The following PRDM16 variants were observed in gnomAD, a reference collection of about 807,000 sequenced individuals.
The protein encoded by PRDM16 is PR/SET domain 16.
A neutral mutation model predicts 110.6 loss-of-function variants in PRDM16; 23 were observed. The ratio of observed to expected loss-of-function variants is 0.21; its 90% CI spans 0.15 to 0.29. The LOEUF is 0.29. Ranked by LOEUF, PRDM16 falls within the 10% of genes least tolerant of loss-of-function variation. PRDM16 has a pLI of 1.00. For missense variants in PRDM16, 1,615 were observed against 1,794.3 expected, an observed-to-expected ratio of 0.90 and a Z score of 1.81; for synonymous variants, 799 against 781.8, an observed-to-expected ratio of 1.02 and a Z score of -0.37.
At chr1:3,340,351 G>T (rs551695078) in intron 3 of PRDM16, among the ~76,000 whole-genome samples, 1 of 152,126 alleles carries the variant, frequency 6.6e-6, no homozygotes, top group Admixed American at 6.5e-5. Context: ...AACAATTTGG[G>T]GACAGATGGC....
chr1:3,134,965 C>T (rs951801896), intron 1 of PRDM16, among the ~76,000 whole-genome samples: 3 of 152,252 alleles, frequency 2.0e-5, no homozygotes, highest in Middle Eastern at 3.4e-3. Context: ...GGGGAGCTGC[C>T]GGGGAGCTGC....
intron 1 of PRDM16, among the ~76,000 whole-genome samples, chr1:3,183,859 C>T (rs1255922055): frequency 6.6e-6 from 1 of 152,238 alleles, no homozygotes; most frequent in African/African-American, 2.4e-5. Flanking sequence ...CTAATTCCTA[C>T]TTGTCCTTCG....
chr1:3,364,635 C>T lies in PRDM16; in HGVS notation c.439-20517C>T, dbSNP rs535163848. ...CCCTGGTGCAAGGGCAAAATTAAAG[C>T]AGGCTGGACAGCAGCATAGTTATTT... On this transcript the variant is annotated intron_variant, in intron 3 of 16. Transcript: ENST00000270722. Among the ~76,000 whole-genome samples the T allele has an allele frequency of 1.8e-4, 28 of 152,348 alleles. No individual in the cohort carries two copies. In the East Asian group the frequency reaches 5.4e-3, roughly 29 times the overall value.
Position 3,411,605 on chromosome 1 carries a change from G to C in PRDM16, c.1408G>C (p.Asp470His), listed in dbSNP as rs1190783586. ...GLPLTPSPMM[D>H]KAKPSPSLNH... Reference sequence around the variant, plus strand: ...GCCCTTGACCCCCAGCCCCATGATGGACAAGGCAAAACCCTCCCCCAGCCT... The same window carrying C: ...GCCCTTGACCCCCAGCCCCATGATGCACAAGGCAAAACCCTCCCCCAGCCT... The change falls in exon 9 of 17, where the codon GAC (aspartate) becomes CAC (histidine). Residue 470 changes from aspartate to histidine, a missense_variant. By Grantham distance (81) the Asp-to-His change is moderately conservative (BLOSUM62 -1). Transcript: ENST00000270722. 1 of 1,613,978 alleles carries C rather than the reference G, an allele frequency of 6.2e-7. No homozygotes were observed. The highest frequency in any genetic ancestry group is 1.1e-5 in the South Asian group (1 of 91,084).
At chr1:3,105,677 C>A (rs924731308) in intron 1 of PRDM16, among the ~76,000 whole-genome samples, 4 of 152,234 alleles carry the variant, frequency 2.6e-5, no homozygotes, top group Admixed American at 2.0e-4. Flanking sequence ...ATGCATTCCT[C>A]GGGCAGGCTC....
In PRDM16 at chr1:3,403,668, G is replaced by A. The variant is rs544983263; in HGVS notation, c.884+670G>A. On this transcript the variant is annotated intron_variant, in intron 6 of 16. Coordinates refer to ENST00000270722, the MANE Select transcript of PRDM16 (RefSeq NM_022114.4). ...GGCCTGGGCGGCCTTGGGGACCTGT[G>A]GCCCCCGGGAAAGACAAGATTCCTG... 4.6e-5 allele frequency among the ~76,000 whole-genome samples: 7 copies of A among 152,364 alleles called. No individual in the cohort carries two copies. The East Asian group carries it at 1.3e-3, about 29-fold the overall frequency.
intron 3 of PRDM16, among the ~76,000 whole-genome samples, chr1:3,275,483 G>C (rs1334402233): frequency 6.6e-6 from 1 of 152,196 alleles, no homozygotes; most frequent in Non-Finnish European, 1.5e-5. Context: ...GGGGGACCTG[G>C]CTACCAGGAC....
rs561340633 is a variant in PRDM16, at chr1:3,209,390, C to T, written c.387+22916C>T. Among the ~76,000 whole-genome samples, 8 of 152,304 alleles carry T rather than the reference C, an allele frequency of 5.3e-5. No homozygotes were observed. Among genetic ancestry groups the T allele is most frequent in the African/African-American group, 1.2e-4 (5 of 41,568 alleles). On this transcript the variant is annotated intron_variant, in intron 2 of 16. Transcript: ENST00000270722. This position sits in a 1 kb window ranked among gnomAD's most constrained non-coding sequence, Gnocchi z 4.6. ...CGACTGGCACACCTGCCCCGAGTCA[C>T]CTGGGACGGACTGCAGCCAGCCAGC...
At chr1:3,106,150 G>C (rs1421975907) in intron 1 of PRDM16, among the ~76,000 whole-genome samples, 1 of 152,202 alleles carries the variant, frequency 6.6e-6, no homozygotes, top group African/African-American at 2.4e-5. Flanking sequence ...TCCTGGCAGG[G>C]TGGGCGGGGT....
In PRDM16 at chr1:3,382,533, G is replaced by A. The variant is rs1418788520; in HGVS notation, c.439-2619G>A. Among the ~76,000 whole-genome samples, 1 of 152,200 alleles carries A rather than the reference G, an allele frequency of 6.6e-6. No individual in the cohort carries two copies. Among genetic ancestry groups the A allele is most frequent in the African/African-American group, 2.4e-5 (1 of 41,434 alleles). The stretch of plus-strand genomic sequence containing the variant: ...GCCCTGAGTCCTGAACAGCAGGGTG[G>A]CCACAGACTCCCCACCAAAGCGAGG... On this transcript the variant is annotated intron_variant, in intron 3 of 16. Transcript: ENST00000270722. The surrounding 1 kb of genome is among the most constrained non-coding windows in gnomAD (Gnocchi z 6.6).
chr1:3,169,487 C>G (rs763957013), intron 1 of PRDM16, among the ~76,000 whole-genome samples: 2 of 152,162 alleles, frequency 1.3e-5, no homozygotes, highest in African/African-American at 2.4e-5. Flanking sequence ...ACCCCTCTCC[C>G]GTGCACAGCC....
rs116529408 is a variant in PRDM16, at chr1:3,227,972, C to T, written c.388-16115C>T. On this transcript the variant is annotated intron_variant, in intron 2 of 16. Coordinates refer to ENST00000270722, the MANE Select transcript of PRDM16 (RefSeq NM_022114.4). ...CTTCCTCCAAGTCTCTGTTTCGAGC[C>T]GTGGGCTCTTCGCAGTATCCCAGGC... 7.1e-3 allele frequency among the ~76,000 whole-genome samples: 1,079 copies of T among 152,340 alleles called. 15 individuals are homozygous for T. The highest frequency in any genetic ancestry group is 0.025 in the African/African-American group (1,048 of 41,572).
chr1:3,094,050 C>T (rs1012647286), intron 1 of PRDM16, among the ~76,000 whole-genome samples: 4 of 152,238 alleles, frequency 2.6e-5, no homozygotes, highest in Admixed American at 6.5e-5. Flanking sequence ...CAGCCAGCAA[C>T]GTGGTCTGGG....
intron 1 of PRDM16, among the ~76,000 whole-genome samples, chr1:3,137,958 T>G (rs1643473898): frequency 6.6e-6 from 1 of 152,202 alleles, no homozygotes; most frequent in African/African-American, 2.4e-5. Context: ...GCTCTTGGAC[T>G]GTGGCTGGAG....
At chr1:3,144,219 C>T (rs1197486036) in intron 1 of PRDM16, among the ~76,000 whole-genome samples, 1 of 152,172 alleles carries the variant, frequency 6.6e-6, no homozygotes, top group African/African-American at 2.4e-5. Flanking sequence ...CCATCACTGC[C>T]CTGGATGGGG....
At chr1:3,150,756 C>T (rs1006731841) in intron 1 of PRDM16, among the ~76,000 whole-genome samples, 9 of 151,656 alleles carry the variant, frequency 5.9e-5, no homozygotes, top group South Asian at 4.2e-4. Flanking sequence ...TTTTTCCAGT[C>T]GCCAGTTGGC....
chr1:3,330,548 C>T (rs1043582163), intron 3 of PRDM16, among the ~76,000 whole-genome samples: 1 of 152,132 alleles, frequency 6.6e-6, no homozygotes, highest in Non-Finnish European at 1.5e-5. Context: ...CTCAGCTCAG[C>T]GGGGGCTGCC....
intron 3 of PRDM16, among the ~76,000 whole-genome samples, chr1:3,270,284 G>A (rs1451420062): frequency 2.0e-5 from 3 of 150,038 alleles, no homozygotes; most frequent in African/African-American, 7.4e-5. Flanking sequence ...CCCGGAGGAG[G>A]ACAGTGGGGA....
chr1:3,326,567 A>C (rs993458641), intron 3 of PRDM16, among the ~76,000 whole-genome samples: 7 of 152,006 alleles, frequency 4.6e-5, no homozygotes, highest in African/African-American at 1.7e-4. Context: ...GAGGTGACCC[A>C]TCCCCTCCCC....
Sources: gnomAD v4.1 joint callset for allele counts (sites outside exome capture counted in the v4.1 genomes callset) on GRCh38, gnomAD v4.1.1 for gene constraint, Gnocchi (gnomAD v3.1) non-coding constraint, MANE v1.5 for transcripts, NCBI Gene and HGNC (gene_info 2026-07-23, HGNC 2026-07-21) for gene names.